Variants in STARD13 observed in about 807,000 individuals in gnomAD.
STARD13 encodes StAR related lipid transfer domain containing 13.
In STARD13, 62 loss-of-function variants were observed where a neutral mutation model predicts 106.4. The ratio of observed to expected loss-of-function variants is 0.58; its 90% CI spans 0.48 to 0.72. STARD13 has a LOEUF of 0.72. STARD13 is among the 30% of genes least tolerant of loss of function. The pLI, the probability that STARD13 is intolerant of heterozygous loss-of-function variation, is 0.00. For synonymous variants in STARD13, 565 were observed against 553.0 expected (o/e 1.02, Z -0.31); for missense variants, 1,387 against 1,424.0 (o/e 0.97, Z 0.42).
the STARD13 span, among the ~76,000 whole-genome samples, chr13:33,471,231 T>C: frequency 6.6e-6 from 1 of 152,340 alleles, no homozygotes; most frequent in South Asian, 2.1e-4. Context: ...CTTTCATTTT[T>C]TCATATGAAA....
intron 1 of STARD13, among the ~76,000 whole-genome samples, chr13:33,176,811 C>A (rs1377524258): frequency 6.6e-6 from 1 of 151,856 alleles, no homozygotes; most frequent in African/African-American, 2.4e-5. Context: ...TTGAGGCATC[C>A]CATAAACATG....
intron 3 of STARD13, among the ~76,000 whole-genome samples, chr13:33,150,422 TAA>T (rs1881124416): frequency 6.6e-6 from 1 of 152,226 alleles, no homozygotes; most frequent in Non-Finnish European, 1.5e-5. Context: ...GATGAGAAGA[TAA>T]AGTCTCTGAG....
chr13:33,586,879 G>C, the STARD13 span, among the ~76,000 whole-genome samples: 1 of 152,068 alleles, frequency 6.6e-6, no homozygotes, highest in South Asian at 2.1e-4. Context: ...CAAAATAGTG[G>C]TATGTGACAG....
At chr13:33,537,768 A>G in the STARD13 span, among the ~76,000 whole-genome samples, 1 of 152,228 alleles carries the variant, frequency 6.6e-6, no homozygotes, top group Non-Finnish European at 1.5e-5. Flanking sequence ...ATATGCTTGT[A>G]TTTTAAGAGT....
chr13:33,247,620 T>C lies in STARD13; in HGVS notation c.169+37850A>G, dbSNP rs552320950. Among the ~76,000 whole-genome samples the C allele has an allele frequency of 4.6e-5, 7 of 152,280 alleles. No individual in the cohort carries two copies. The South Asian group carries it at 1.5e-3, about 32-fold the overall frequency. ...AACAGACACCAAATATAATATCAAG[T>C]ACAATATCAAATATATTACATATCT... is the stretch of plus-strand genomic sequence containing the variant. On this transcript the variant is annotated intron_variant, in intron 1 of 13. Transcript: ENST00000336934.
chr13:33,353,045 T>C (rs1223636972), upstream of STARD13, among the ~76,000 whole-genome samples: 1 of 152,194 alleles, frequency 6.6e-6, no homozygotes, highest in African/African-American at 2.4e-5. Flanking sequence ...GTCCCTCACC[T>C]GTGTTGGGCT....
chr13:33,135,035 T>C (rs1217148400), intron 4 of STARD13, among the ~76,000 whole-genome samples: 1 of 152,350 alleles, frequency 6.6e-6, no homozygotes, highest in South Asian at 2.1e-4. Context: ...TCTGCACTGG[T>C]CACATATATC....
the STARD13 span, among the ~76,000 whole-genome samples, chr13:33,466,376 C>G: frequency 6.6e-6 from 1 of 152,050 alleles, no homozygotes; most frequent in African/African-American, 2.4e-5. Context: ...TAATAAAATA[C>G]CCTGCATCCC....
the STARD13 span, among the ~76,000 whole-genome samples, chr13:33,434,804 G>A: frequency 6.6e-6 from 1 of 151,920 alleles, no homozygotes; most frequent in Non-Finnish European, 1.5e-5. Context: ...TTGTATGGCA[G>A]CAGTCTATTG....
chr13:33,597,905 T>C, the STARD13 span, among the ~76,000 whole-genome samples: 325 of 152,228 alleles, frequency 2.1e-3, 1 homozygote, highest in African/African-American at 7.4e-3. Flanking sequence ...AACATCTAAT[T>C]AGGCAGAAGT....
chr13:33,242,032 C>T (rs1449150092), intron 1 of STARD13, among the ~76,000 whole-genome samples: 1 of 151,888 alleles, frequency 6.6e-6, no homozygotes, highest in Admixed American at 6.6e-5. Context: ...CCCTCTGCCC[C>T]GCCGCCCCAT....
chr13:33,552,448 G>A, the STARD13 span, among the ~76,000 whole-genome samples: 1 of 152,182 alleles, frequency 6.6e-6, no homozygotes. Context: ...TTCTTTGACT[G>A]TAACAGATAA....
At chr13:33,106,356 G>T (rs1873705124) in intron 13 of STARD13, among the ~76,000 whole-genome samples, 1 of 152,176 alleles carries the variant, frequency 6.6e-6, no homozygotes, top group Admixed American at 6.5e-5. Context: ...AGGAGGTGGA[G>T]GTTGCAGTGA....
the STARD13 span, among the ~76,000 whole-genome samples, chr13:33,600,743 TA>T: frequency 1.3e-5 from 2 of 152,172 alleles, no homozygotes; most frequent in Non-Finnish European, 2.9e-5. Context: ...ATCAGCTTTT[TA>T]AAAAAAGTCT....
At chr13:33,515,062 G>C in the STARD13 span, among the ~76,000 whole-genome samples, 1 of 152,136 alleles carries the variant, frequency 6.6e-6, no homozygotes, top group South Asian at 2.1e-4. Flanking sequence ...GTAAAGGCCA[G>C]AGTACTAGAG....
intron 8 of STARD13, chr13:33,113,464 C>T (rs1002648434): frequency 7.5e-5 from 36 of 480,452 alleles, no homozygotes; most frequent in South Asian, 4.2e-4. Context: ...CACAATTCAC[C>T]GGGAGTGGTG....
At position 33,254,455 on chromosome 13, in the gene STARD13, G is replaced by T. The variant is rs547779448; in HGVS notation, c.169+31015C>A. Among the ~76,000 whole-genome samples, 7 of 152,308 alleles carry T rather than the reference G, an allele frequency of 4.6e-5. No individual in the cohort carries two copies. The South Asian group carries it at 1.5e-3, about 32-fold the overall frequency. On this transcript the variant is annotated intron_variant, in intron 1 of 13. Transcript: ENST00000336934. ...AGCTGTTGCCTATATTCTAGCATTT[G>T]AAAGTATTCTGTTGATATGGGCAGG...
downstream of STARD13, among the ~76,000 whole-genome samples, chr13:33,343,797 C>A (rs1336126275): frequency 1.3e-5 from 2 of 151,714 alleles, no homozygotes; most frequent in Admixed American, 1.3e-4. Flanking sequence ...CTGCTTGAAG[C>A]CCTTTGTTCT....
At chr13:33,429,918 C>T in the STARD13 span, among the ~76,000 whole-genome samples, 8 of 133,176 alleles carry the variant, frequency 6.0e-5, no homozygotes, top group African/African-American at 2.7e-4. Context: ...CTTAATTGTA[C>T]TTTTTTTTTG....
Sources: allele counts gnomAD v4.1 joint callset (sites outside exome capture counted in the v4.1 genomes callset), GRCh38; gene constraint gnomAD v4.1.1; transcripts MANE v1.5; gene names NCBI Gene and HGNC (gene_info 2026-07-23, HGNC 2026-07-21).